Variants in ROBO1 observed in about 807,000 individuals in gnomAD.
ROBO1 encodes the protein roundabout guidance receptor 1, also known as roundabout homolog 1.
In ROBO1, 149 loss-of-function variants were observed where a neutral mutation model predicts 195.9. That is an observed-to-expected ratio of 0.76 (90% CI 0.67 to 0.87). The LOEUF (loss-of-function observed/expected upper bound fraction) is 0.87. ROBO1 is among the 40% of genes least tolerant of loss of function. ROBO1 has a pLI of 0.00. For missense variants in ROBO1, 1,933 were observed against 2,068.3 expected (o/e 0.93, Z 1.27); for synonymous variants, 816 against 733.2 (o/e 1.11, Z -1.82).
intron 2 of ROBO1, among the ~76,000 whole-genome samples, chr3:79,550,884 G>A (rs1020583869): frequency 2.0e-5 from 3 of 152,164 alleles, no homozygotes; most frequent in South Asian, 2.1e-4. Flanking sequence ...ATGCAATCTT[G>A]TTAAGAAGTA....
chr3:79,411,398 A>G (rs2106857641), intron 2 of ROBO1, among the ~76,000 whole-genome samples: 1 of 152,306 alleles, frequency 6.6e-6, no homozygotes, highest in South Asian at 2.1e-4. Flanking sequence ...TAAACAAGTT[A>G]GTGACTCTAG....
chr3:79,013,633 G>A (rs1297455220), intron 3 of ROBO1, among the ~76,000 whole-genome samples: 2 of 152,176 alleles, frequency 1.3e-5, no homozygotes, highest in Non-Finnish European at 2.9e-5. Context: ...AAAATGCACA[G>A]TAGTTGAGAG....
At chr3:79,717,176 T>C (rs528637901) in intron 1 of ROBO1, among the ~76,000 whole-genome samples, 1 of 151,244 alleles carries the variant, frequency 6.6e-6, no homozygotes, top group Non-Finnish European at 1.5e-5. Context: ...ACTTTAAATG[T>C]GACTATTTTG....
intron 4 of ROBO1, chr3:78,937,990 AGTGT>A (rs10596981): frequency 0.031 from 4,254 of 135,200 alleles, 58 homozygotes; most frequent in South Asian, 0.045. Context: ...AGAGAGAGTG[AGTGT>A]GTGTGTGTGT....
intron 3 of ROBO1, among the ~76,000 whole-genome samples, chr3:79,065,943 G>A (rs1005638934): frequency 1.3e-5 from 2 of 151,808 alleles, no homozygotes; most frequent in African/African-American, 2.4e-5. Context: ...ACCCCCTAAG[G>A]AATTGATGAA....
chr3:79,526,264 T>A (rs1054199426), intron 2 of ROBO1, among the ~76,000 whole-genome samples: 1 of 152,210 alleles, frequency 6.6e-6, no homozygotes, highest in Non-Finnish European at 1.5e-5. Flanking sequence ...ACTAACAAAA[T>A]TGGAAATAAA....
intron 17 of ROBO1, among the ~76,000 whole-genome samples, chr3:78,658,921 T>C (rs1318422558): frequency 6.6e-6 from 1 of 152,224 alleles, no homozygotes; most frequent in African/African-American, 2.4e-5. Flanking sequence ...GGCATTTTAT[T>C]ATTTTAAATT....
chr3:78,615,739 A>C (rs1704074642), intron 27 of ROBO1, among the ~76,000 whole-genome samples: 1 of 152,218 alleles, frequency 6.6e-6, no homozygotes, highest in South Asian at 2.1e-4. Context: ...TTTTGGCTAT[A>C]AACAGAAGCC....
At chr3:79,455,509 A>G (rs2039589669) in intron 2 of ROBO1, among the ~76,000 whole-genome samples, 1 of 152,118 alleles carries the variant, frequency 6.6e-6, no homozygotes, top group African/African-American at 2.4e-5. Context: ...TATTTCAGTA[A>G]TGAAGTGTTT....
rs200624434 is a variant in ROBO1, at chr3:78,820,880, TA to T, written c.500-73981del. Among the ~76,000 whole-genome samples the T allele has an allele frequency of 1.2e-3, 178 of 148,958 alleles. No homozygotes were observed. The East Asian group carries it at 0.014, about 12-fold the overall frequency. The stretch of plus-strand genomic sequence containing the variant: ...TGTTCTAGCACCCTTTCAAGAATGT[TA>T]AAAAAAAAAATTCCCTCTCTGACAC... On this transcript the variant is annotated intron_variant, in intron 4 of 30. Transcript: ENST00000464233.
chr3:79,621,249 C>A (rs180743545), intron 1 of ROBO1, among the ~76,000 whole-genome samples: 16 of 152,244 alleles, frequency 1.1e-4, no homozygotes, highest in Non-Finnish European at 1.5e-4. Context: ...GAGCCCTGCC[C>A]CTGCCCACAA....
intron 1 of ROBO1, among the ~76,000 whole-genome samples, chr3:79,635,638 A>G (rs1385350981): frequency 1.3e-5 from 2 of 152,168 alleles, no homozygotes; most frequent in Non-Finnish European, 2.9e-5. Context: ...ACAATATTGT[A>G]TAAGGTTATT....
chr3:79,106,367 TAAC>T (rs1246410864), intron 3 of ROBO1, among the ~76,000 whole-genome samples: 2 of 151,618 alleles, frequency 1.3e-5, no homozygotes, highest in Non-Finnish European at 3.0e-5. Context: ...TTCATTAAAT[TAAC>T]AACATTTTTA....
chr3:79,726,186 A>G (rs1702918270), intron 1 of ROBO1, among the ~76,000 whole-genome samples: 1 of 152,218 alleles, frequency 6.6e-6, no homozygotes, highest in South Asian at 2.1e-4. Context: ...TTAGTTCACT[A>G]TAGACAAAGA....
At chr3:79,441,269 T>C (rs2039044947) in intron 2 of ROBO1, among the ~76,000 whole-genome samples, 1 of 152,148 alleles carries the variant, frequency 6.6e-6, no homozygotes, top group African/African-American at 2.4e-5. Context: ...TTGACAATTA[T>C]AACCTCACAT....
At chr3:78,764,778 T>C (rs573825103) in intron 4 of ROBO1, among the ~76,000 whole-genome samples, 22 of 152,232 alleles carry the variant, frequency 1.4e-4, no homozygotes, top group African/African-American at 4.6e-4. Context: ...GCTCATGAAT[T>C]TAGGTTGAAG....
intron 3 of ROBO1, among the ~76,000 whole-genome samples, chr3:78,999,353 T>C (rs759970850): frequency 6.6e-6 from 1 of 152,064 alleles, no homozygotes; most frequent in African/African-American, 2.4e-5. Flanking sequence ...CATGGAATAC[T>C]ATGCAGCCAT....
intron 3 of ROBO1, among the ~76,000 whole-genome samples, chr3:79,040,322 C>A (rs773499173): frequency 6.6e-6 from 1 of 152,088 alleles, no homozygotes. Context: ...AATGTTAAAT[C>A]GTCATTGACT....
intron 8 of ROBO1, among the ~76,000 whole-genome samples, chr3:78,711,018 C>T (rs1400542757): frequency 1.3e-5 from 2 of 152,178 alleles, no homozygotes; most frequent in Non-Finnish European, 2.9e-5. Context: ...ACTCTGTTCC[C>T]TTTTCACCTC....
Sources: allele counts gnomAD v4.1 joint callset (sites outside exome capture counted in the v4.1 genomes callset), GRCh38; gene constraint gnomAD v4.1.1; transcripts MANE v1.5; gene names NCBI Gene and HGNC (gene_info 2026-07-23, HGNC 2026-07-21).